The following KCNT1 variants were observed in gnomAD, a reference collection of about 807,000 sequenced individuals.
KCNT1 encodes the protein potassium sodium-activated channel subfamily T member 1.
KCNT1 carries 78 observed loss-of-function variants against 147.8 expected under a neutral mutation model. The ratio of observed to expected loss-of-function variants is 0.53; its 90% CI spans 0.44 to 0.64. KCNT1 has a LOEUF of 0.64. Among genes scored for constraint, KCNT1 ranks in the 30% least tolerant of loss-of-function variants. The probability of loss-of-function intolerance (pLI) is 0.00; values close to 1 mark genes in which losing one functional copy is unlikely to be tolerated. For synonymous variants in KCNT1, 867 were observed against 748.8 expected (o/e 1.16, Z -2.58); for missense variants, 1,419 against 1,750.3 (o/e 0.81, Z 3.38).
At position 135,730,104 on chromosome 9, in the gene KCNT1, G is replaced by C. The variant is rs560560263; in HGVS notation, c.254+15384G>C. On this transcript the variant is annotated intron_variant, in intron 2 of 30. Transcript: ENST00000371757. The surrounding 1 kb of genome is among the most constrained non-coding windows in gnomAD (Gnocchi z 4.7). The stretch of plus-strand genomic sequence containing the variant: ...CTGATCCTTCATCCATGGGAGCTGT[G>C]CACCCCCAAATATAATTCCTGCTGG... Among the ~76,000 whole-genome samples the C allele has an allele frequency of 9.5e-4, 145 of 152,266 alleles. 1 individual carries two copies. The highest frequency in any genetic ancestry group is 6.1e-3 in the Admixed American group (93 of 15,290).
intron 24 of KCNT1, among the ~76,000 whole-genome samples, chr9:135,780,827 G>T (rs926411337): frequency 2.6e-5 from 4 of 152,216 alleles, no homozygotes; most frequent in African/African-American, 7.2e-5. Flanking sequence ...CGCTCCCCAG[G>T]GCTGGGAGGA....
intron 2 of KCNT1, among the ~76,000 whole-genome samples, chr9:135,745,342 G>A (rs1830774097): frequency 6.6e-6 from 1 of 152,162 alleles, no homozygotes; most frequent in South Asian, 2.1e-4. Context: ...GCTCCTGGGA[G>A]CAACTTGCCA....
At chr9:135,747,456 G>A (rs1476749409) in intron 2 of KCNT1, among the ~76,000 whole-genome samples, 6 of 152,072 alleles carry the variant, frequency 3.9e-5, no homozygotes, top group African/African-American at 9.7e-5. Flanking sequence ...CAGCCCCCGG[G>A]GGCAGCTCCC....
chr9:135,753,584 C>A (rs1254089396), intron 4 of KCNT1, among the ~76,000 whole-genome samples: 2 of 152,174 alleles, frequency 1.3e-5, no homozygotes, highest in African/African-American at 2.4e-5. Context: ...CCATGTAAGG[C>A]CCCTCCCTGG....
chr9:135,761,074 C>T (rs1414991006), intron 11 of KCNT1, among the ~76,000 whole-genome samples: 4 of 151,880 alleles, frequency 2.6e-5, no homozygotes, highest in South Asian at 2.1e-4. Flanking sequence ...CATTTTGTTG[C>T]CCAGGCTGGC....
chr9:135,772,624 C>T lies in KCNT1; in HGVS notation c.2009-91C>T, dbSNP rs373854536. The T allele has an allele frequency of 3.8e-5, 37 of 970,882 alleles. 1 individual carries two copies. Among genetic ancestry groups the T allele is most frequent in the East Asian group, 2.2e-4 (7 of 31,116 alleles). The allele number at this position is 970,882 out of a possible 1,614,324, so 60.1% of individuals were successfully genotyped here. On this transcript the variant is annotated intron_variant, in intron 18 of 30. Transcript: ENST00000371757. ...AGGAGCCAGGCCATGACAGGGTCTC[C>T]AGAGCTGACTGTGTTCACCTGAGCT... is the stretch of plus-strand genomic sequence containing the variant.
chr9:135,779,522 GGGAGAAAGGGGCTCA>G lies in KCNT1; in HGVS notation c.2841+55_2841+69del, dbSNP rs748835905. 15 of 1,330,110 alleles carry G rather than the reference GGGAGAAAGGGGCTCA, an allele frequency of 1.1e-5. No homozygotes were observed. The South Asian group carries it at 1.6e-4, about 15-fold the overall frequency. 82.4% of individuals were successfully genotyped at this position (1,330,110 alleles called of 1,614,324 possible). On this transcript the variant is annotated intron_variant, in intron 24 of 30. Coordinates refer to ENST00000371757, the MANE Select transcript of KCNT1 (RefSeq NM_020822.3). ...GCCACCCCAGAATCCCAGAAAGAGT[GGGAGAAAGGGGCTCA>G]GGGGAAAGGGGGCCAGTGCCATGGG...
At chr9:135,735,973 G>C (rs558180638) in intron 2 of KCNT1, among the ~76,000 whole-genome samples, 1 of 152,226 alleles carries the variant, frequency 6.6e-6, no homozygotes, top group South Asian at 2.1e-4. Context: ...TGAGATGTGC[G>C]GGCCCAGCCA....
intron 28 of KCNT1, 146 bp downstream of exon 28, chr9:135,785,476 C>A: frequency 2.0e-6 from 2 of 998,198 alleles, no homozygotes; most frequent in Non-Finnish European, 3.0e-6. Context: ...ACGGATGTGT[C>A]GGCCCCAGCA....
intron 2 of KCNT1, among the ~76,000 whole-genome samples, chr9:135,741,041 C>T (rs921617642): frequency 2.0e-5 from 3 of 152,174 alleles, no homozygotes; most frequent in East Asian, 1.9e-4. Context: ...GCCCACAGGC[C>T]GCTGCCCTCC....
At chr9:135,709,130 C>A (rs1564310737) in intron 1 of KCNT1, among the ~76,000 whole-genome samples, 1 of 152,338 alleles carries the variant, frequency 6.6e-6, no homozygotes, top group Non-Finnish European at 1.5e-5. Flanking sequence ...TGTGTGGGGA[C>A]AGTCTCTATA....
In KCNT1 at chr9:135,757,411, C is replaced by G. The variant is rs771097803; in HGVS notation, c.759+30C>G. 4 of 1,586,230 alleles carry G rather than the reference C, an allele frequency of 2.5e-6. No individual in the cohort carries two copies. In the African/African-American group the frequency reaches 5.4e-5, roughly 21 times the overall value. Reference sequence around the variant, plus strand: ...GCCGGGGCGGGGGGTGCAGCTGGGACTTGGGGGGGCCACCCTCAGCCTCAC... The same window carrying G: ...GCCGGGGCGGGGGGTGCAGCTGGGAGTTGGGGGGGCCACCCTCAGCCTCAC... On this transcript the variant is annotated intron_variant, in intron 9 of 30. Coordinates refer to ENST00000371757, the MANE Select transcript of KCNT1 (RefSeq NM_020822.3).
chr9:135,765,478 G>C, intron 12 of KCNT1, 146 bp from the exon 13 acceptor site: 1 of 946,142 alleles, frequency 1.1e-6, no homozygotes, highest in Non-Finnish European at 1.5e-6. Context: ...CCCTGCGGGG[G>C]CCCCTCTTTT....
intron 29 of KCNT1, 166 bp from the exon 30 acceptor site, chr9:135,791,609 GGAGATGGGACAGGTGTCGGTCA>G: frequency 1.7e-6 from 1 of 588,598 alleles, no homozygotes; most frequent in Non-Finnish European, 3.0e-6. Flanking sequence ...TGCCCTGTGT[GGAGATGGGACAGGTGTCGGTCA>G]GGGATGGGCC....
chr9:135,768,384 G>GC, intron 13 of KCNT1: 1 of 407,182 alleles, frequency 2.5e-6, no homozygotes. Context: ...CACTGAGGGG[G>GC]CACTGTGACT....
chr9:135,768,986 T>G (rs753651476), intron 15 of KCNT1, 49 bp downstream of exon 15: 3 of 1,396,250 alleles, frequency 2.1e-6, no homozygotes, highest in Non-Finnish European at 3.0e-6. Context: ...GCAGGGCACG[T>G]GTGCACACGT....
chr9:135,702,222 G>T lies in KCNT1; in HGVS notation c.-37G>T. On this transcript the variant is annotated 5_prime_UTR_variant, in exon 1 of 31. Coordinates refer to ENST00000371757, the MANE Select transcript of KCNT1 (RefSeq NM_020822.3). ...GGGAAGAAGGTGGCGGCTCCCACTC[G>T]CTTCTCCCTCGGGTCGGGTCCGAGC... The T allele has an allele frequency of 6.8e-7, 1 of 1,480,186 alleles. No homozygotes were observed. Among genetic ancestry groups the T allele is most frequent in the Non-Finnish European group, 9.3e-7 (1 of 1,069,850 alleles). The allele number at this position is 1,480,186 out of a possible 1,614,324, so 91.7% of individuals were successfully genotyped here.
chr9:135,741,803 C>A (rs1367125082), intron 2 of KCNT1, among the ~76,000 whole-genome samples: 1 of 152,260 alleles, frequency 6.6e-6, no homozygotes, highest in Non-Finnish European at 1.5e-5. Flanking sequence ...CCTTTGTTTT[C>A]TTTTCTGAAA....
chr9:135,756,976 CTCCCCACCCTCCCCA>C, intron 7 of KCNT1, 44 bp downstream of exon 7: 1 of 837,694 alleles, frequency 1.2e-6, no homozygotes, highest in Non-Finnish European at 1.6e-6. Context: ...GGTCCCCACC[CTCCCCACCCTCCCCA>C]GCCTCCCCCA....
Sources: gnomAD v4.1 joint callset for allele counts (sites outside exome capture counted in the v4.1 genomes callset) on GRCh38, gnomAD v4.1.1 for gene constraint, Gnocchi (gnomAD v3.1) non-coding constraint, MANE v1.5 for transcripts, NCBI Gene and HGNC (gene_info 2026-07-23, HGNC 2026-07-21) for gene names.